PTER: variants seen among roughly 807,000 people sequenced by gnomAD.
The protein encoded by PTER is N-acetyltaurine hydrolase.
A neutral mutation model predicts 29.6 loss-of-function variants in PTER; 38 were observed. The ratio of observed to expected loss-of-function variants is 1.28; its 90% confidence interval spans 0.99 to 1.68. The LOEUF (loss-of-function observed/expected upper bound fraction) is 1.68. Among genes scored for constraint, PTER ranks in the 40% most tolerant of loss-of-function variants. The probability of loss-of-function intolerance (pLI) is 0.00; values close to 1 mark genes in which losing one functional copy is unlikely to be tolerated. For synonymous variants in PTER, 172 were observed against 154.5 expected (o/e 1.11, Z -0.84); for missense variants, 482 against 427.8 (o/e 1.13, Z -1.12).
At chr10:16,444,102 A>G (rs929205749) in intron 1 of PTER, among the ~76,000 whole-genome samples, 4 of 151,714 alleles carry the variant, frequency 2.6e-5, no homozygotes, top group Non-Finnish European at 5.9e-5. Context: ...CCCGAATTCA[A>G]GCGATTCTCC....
At position 16,511,285 on chromosome 10, in the gene PTER, G is replaced by A. The variant is rs762215455; in HGVS notation, c.*29G>A. 3.9e-5 allele frequency: 61 copies of A among 1,578,256 alleles called. No individual in the cohort carries two copies. The highest frequency in any genetic ancestry group is 6.8e-5 in the African/African-American group (5 of 74,072). On this transcript the variant is annotated 3_prime_UTR_variant, in exon 5 of 5. Coordinates refer to ENST00000535784, the MANE Select transcript of PTER (RefSeq NM_001261836.2). Reference sequence around the variant, plus strand: ...GGTTGCTTATGAATTCACACCTTGAGTATAAAACTTGCAGAGAACATTCAG... The same window carrying A: ...GGTTGCTTATGAATTCACACCTTGAATATAAAACTTGCAGAGAACATTCAG...
intron 1 of PTER, among the ~76,000 whole-genome samples, chr10:16,460,214 G>A (rs924766865): frequency 6.6e-6 from 1 of 152,160 alleles, no homozygotes; most frequent in Non-Finnish European, 1.5e-5. Flanking sequence ...TTCTGGTCCT[G>A]GGTTAGCATA....
chr10:16,510,395 G>A (rs978660918), intron 4 of PTER, among the ~76,000 whole-genome samples: 2 of 152,152 alleles, frequency 1.3e-5, no homozygotes, highest in African/African-American at 4.8e-5. Context: ...TATTTGTATT[G>A]GTCAGTTTAA....
chr10:16,444,201 G>A (rs1833942168), intron 1 of PTER, among the ~76,000 whole-genome samples: 1 of 151,952 alleles, frequency 6.6e-6, no homozygotes, highest in Non-Finnish European at 1.5e-5. Flanking sequence ...TCAGCATGTT[G>A]GCCGGGATGG....
intron 1 of PTER, among the ~76,000 whole-genome samples, chr10:16,443,752 A>G (rs1366811630): frequency 2.0e-5 from 3 of 152,190 alleles, no homozygotes; most frequent in Non-Finnish European, 2.9e-5. Context: ...AACAACTCGC[A>G]CATATTTTTA....
At chr10:16,509,552 C>G (rs1266906274) in intron 4 of PTER, among the ~76,000 whole-genome samples, 2 of 152,154 alleles carry the variant, frequency 1.3e-5, no homozygotes, top group Non-Finnish European at 2.9e-5. Flanking sequence ...GAAAGTGTTT[C>G]CTAAAACCTC....
At chr10:16,473,538 A>C (rs957736645) in intron 1 of PTER, among the ~76,000 whole-genome samples, 2 of 150,710 alleles carry the variant, frequency 1.3e-5, no homozygotes, top group African/African-American at 2.4e-5. Context: ...AAAAAAAAAA[A>C]AAAAAAAAAC....
At chr10:16,470,450 G>T (rs561272313) in intron 1 of PTER, among the ~76,000 whole-genome samples, 21 of 152,284 alleles carry the variant, frequency 1.4e-4, no homozygotes, top group Admixed American at 4.6e-4. Flanking sequence ...ATTTCATCCT[G>T]TTGAGGCTTT....
chr10:16,511,507 A>C lies in PTER; in HGVS notation c.*251A>C. ...AATACAGAAGTACCTATTTCTAAAC[A>C]ATGATTTAAAGTCTATATCCCCTAA... On this transcript the variant is annotated 3_prime_UTR_variant, in exon 5 of 5. Coordinates refer to ENST00000535784, the MANE Select transcript of PTER (RefSeq NM_001261836.2). The C allele has an allele frequency of 2.1e-6, 1 of 476,452 alleles. No individual in the cohort carries two copies. Among genetic ancestry groups the C allele is most frequent in the Non-Finnish European group, 3.8e-6 (1 of 264,800 alleles). 29.5% of individuals were successfully genotyped at this position (476,452 alleles called of 1,614,324 possible).
rs574208340 is a variant in PTER at position 16,501,774 on chromosome 10, C to T, written c.699-3246C>T. ...AGCCATACAGTATGGTGGTTTACAGCGTAAGTTCTAACTTTGAGATGAATT... is the reference window on the plus strand; with the variant it reads ...AGCCATACAGTATGGTGGTTTACAGTGTAAGTTCTAACTTTGAGATGAATT... On this transcript the variant is annotated intron_variant, in intron 3 of 4. Coordinates refer to ENST00000535784, the MANE Select transcript of PTER (RefSeq NM_001261836.2). Among the ~76,000 whole-genome samples the T allele has an allele frequency of 2.6e-5, 4 of 152,308 alleles. No individual in the cohort carries two copies. The South Asian group carries it at 6.2e-4, about 24-fold the overall frequency.
At chr10:16,516,045 T>TA (rs902977445), downstream of PTER, among the ~76,000 whole-genome samples, 11 of 152,138 alleles carry the variant, frequency 7.2e-5, no homozygotes, top group South Asian at 6.2e-4. Flanking sequence ...GCTGAAATGT[T>TA]AAAAAAAGAA....
At chr10:16,450,191 G>A (rs900363381) in intron 1 of PTER, among the ~76,000 whole-genome samples, 1 of 152,158 alleles carries the variant, frequency 6.6e-6, no homozygotes, top group Non-Finnish European at 1.5e-5. Flanking sequence ...CATCTCTAGG[G>A]GCCTACTGGG....
chr10:16,472,714 T>C (rs1835099175), intron 1 of PTER, among the ~76,000 whole-genome samples: 1 of 152,242 alleles, frequency 6.6e-6, no homozygotes, highest in Non-Finnish European at 1.5e-5. Context: ...TAATTCCTAA[T>C]AAATACTTTA....
intron 1 of PTER, among the ~76,000 whole-genome samples, chr10:16,459,951 T>C: frequency 6.6e-6 from 1 of 152,086 alleles, no homozygotes; most frequent in Non-Finnish European, 1.5e-5. Context: ...TTTTTCCACG[T>C]TGGTCAGGCT....
intron 1 of PTER, among the ~76,000 whole-genome samples, chr10:16,467,168 T>A (rs1834866672): frequency 1.3e-5 from 2 of 152,194 alleles, no homozygotes; most frequent in African/African-American, 2.4e-5. Flanking sequence ...AATATTAAGG[T>A]ATTTTAAGAC....
At chr10:16,508,108 G>A (rs1248627341) in intron 4 of PTER, among the ~76,000 whole-genome samples, 2 of 127,942 alleles carry the variant, frequency 1.6e-5, no homozygotes, top group Middle Eastern at 5.7e-3. Context: ...TTGCTCTGTC[G>A]CCCAGGCAGG....
At chr10:16,444,010 T>TC (rs1317673652) in intron 1 of PTER, among the ~76,000 whole-genome samples, 1 of 151,594 alleles carries the variant, frequency 6.6e-6, no homozygotes, top group Non-Finnish European at 1.5e-5. Context: ...TTTTCTTTTT[T>TC]TTTTTTTTTT....
chr10:16,477,328 G>A (rs1341362677), intron 1 of PTER, among the ~76,000 whole-genome samples: 5 of 146,986 alleles, frequency 3.4e-5, no homozygotes, highest in Non-Finnish European at 7.4e-5. Flanking sequence ...GCACATGCAT[G>A]TAAAATACAC....
At chr10:16,486,861 C>T in intron 3 of PTER, 2 of 446,060 alleles carry the variant, frequency 4.5e-6, no homozygotes, top group Non-Finnish European at 7.9e-6. Context: ...TCGCATAAGT[C>T]ATTTCCTTTA....
Sources: allele counts gnomAD v4.1 joint callset (sites outside exome capture counted in the v4.1 genomes callset), GRCh38; gene constraint gnomAD v4.1.1; transcripts MANE v1.5; gene names NCBI Gene and HGNC (gene_info 2026-07-23, HGNC 2026-07-21).